The following SIMC1 variants were observed in gnomAD, a reference collection of about 807,000 sequenced individuals.
SIMC1 encodes SUMO-interacting motif-containing protein 1.
Under a neutral mutation model 82.3 loss-of-function variants are expected in SIMC1, and 55 were observed. That is an observed-to-expected ratio of 0.67 (90% CI 0.54 to 0.84). The LOEUF (loss-of-function observed/expected upper bound fraction) is 0.84, where lower values mean the gene tolerates loss of function less well. SIMC1 is among the 40% of genes least tolerant of loss of function. SIMC1 has a pLI of 0.00. For missense variants in SIMC1, 915 were observed against 1,107.2 expected (o/e 0.83, Z 2.46); for synonymous variants, 353 against 426.3 (o/e 0.83, Z 2.12).
chr5:176,324,223 T>C (rs1161996966), intron 6 of SIMC1, among the ~76,000 whole-genome samples: 1 of 152,202 alleles, frequency 6.6e-6, no homozygotes, highest in East Asian at 1.9e-4. Flanking sequence ...GGCAAATACA[T>C]ATTTTCTCCT....
At chr5:176,313,168 C>A in intron 4 of SIMC1, 3 of 677,572 alleles carry the variant, frequency 4.4e-6, no homozygotes, top group Non-Finnish European at 6.0e-6. Context: ...TCAATCAGCT[C>A]GCATGACTGG....
In SIMC1 at chr5:176,309,052, G is replaced by A. The variant is rs150875211; in HGVS notation, c.1735-4639G>A. On this transcript the variant is annotated intron_variant, in intron 4 of 9. Transcript: ENST00000429602. ...ATGGAGAAAGATGAAAATATCCAGT[G>A]TAAAGTTACTTAAGCTAAATCAATT... The A allele has an allele frequency of 9.2e-4, 683 of 746,004 alleles. 7 individuals carry two copies. In the East Asian group the frequency reaches 0.015, roughly 17 times the overall value. The allele number at this position is 746,004 out of a possible 1,614,324, so 46.2% of individuals were successfully genotyped here.
rs1764523291 is a variant in SIMC1 at position 176,308,493 on chromosome 5, ATGAT to A, written c.1735-5197_1735-5194del. The A allele has an allele frequency of 4.4e-6, 7 of 1,607,588 alleles. No individual in the cohort carries two copies. The Admixed American group carries it at 1.2e-4, about 27-fold the overall frequency. ...TGTTCGCACCCAAGCCATGTACCAGATGATGGATCAAGGCTTTGTAGGACTTATT... is the reference window on the plus strand; with the variant it reads ...TGTTCGCACCCAAGCCATGTACCAGAGGATCAAGGCTTTGTAGGACTTATT... On this transcript the variant is annotated intron_variant, in intron 4 of 9. Transcript: ENST00000429602.
chr5:176,259,228 A>G (rs1460642745), intron 1 of SIMC1, among the ~76,000 whole-genome samples: 1 of 152,226 alleles, frequency 6.6e-6, no homozygotes, highest in African/African-American at 2.4e-5. Flanking sequence ...GCACTTTGGG[A>G]GGCTGAGGTG....
chr5:176,330,521 A>C (rs1765603270), intron 7 of SIMC1, among the ~76,000 whole-genome samples: 1 of 152,186 alleles, frequency 6.6e-6, no homozygotes, highest in Non-Finnish European at 1.5e-5. Flanking sequence ...AAATATTCAA[A>C]GACTATTCAG....
At chr5:176,257,510 G>A (rs1761884961) in intron 1 of SIMC1, among the ~76,000 whole-genome samples, 1 of 152,128 alleles carries the variant, frequency 6.6e-6, no homozygotes, top group Non-Finnish European at 1.5e-5. Context: ...GAGAGTGAGA[G>A]TGGGGGTGCA....
At chr5:176,274,529 T>A (rs1202664122) in intron 1 of SIMC1, among the ~76,000 whole-genome samples, 7 of 151,912 alleles carry the variant, frequency 4.6e-5, no homozygotes, top group Non-Finnish European at 8.8e-5. Context: ...ATTTGTCAAT[T>A]TTGGCTTTTG....
At chr5:176,296,060 T>A in intron 3 of SIMC1, 191 bp from the exon 4 acceptor site, 2 of 1,022,576 alleles carry the variant, frequency 2.0e-6, no homozygotes, top group South Asian at 3.5e-5. Flanking sequence ...AAAAGGGGAC[T>A]GGATACTGGG....
chr5:176,287,473 C>T (rs1763342271), intron 1 of SIMC1, among the ~76,000 whole-genome samples: 1 of 151,964 alleles, frequency 6.6e-6, no homozygotes, highest in South Asian at 2.1e-4. Flanking sequence ...CACACCGGGG[C>T]CTGTAGTGGG....
chr5:176,249,743 C>T (rs1231471082), intron 1 of SIMC1, among the ~76,000 whole-genome samples: 1 of 147,588 alleles, frequency 6.8e-6, no homozygotes, highest in Non-Finnish European at 1.5e-5. Flanking sequence ...ACTCAGGAGG[C>T]TGAGGCGGGA....
chr5:176,256,894 C>G (rs1761864994), intron 1 of SIMC1, among the ~76,000 whole-genome samples: 1 of 152,076 alleles, frequency 6.6e-6, no homozygotes, highest in Non-Finnish European at 1.5e-5. Context: ...AGGCAAACAC[C>G]ACCATGCCTG....
intron 9 of SIMC1, among the ~76,000 whole-genome samples, chr5:176,344,247 T>A (rs1454250044): frequency 2.0e-5 from 3 of 152,164 alleles, no homozygotes; most frequent in Non-Finnish European, 4.4e-5. Flanking sequence ...CCAGCACAGT[T>A]CCCAGCTTTT....
At chr5:176,282,586 G>A (rs150982203) in intron 1 of SIMC1, among the ~76,000 whole-genome samples, 2 of 152,118 alleles carry the variant, frequency 1.3e-5, no homozygotes, top group South Asian at 2.1e-4. Context: ...TCCTCCCCCC[G>A]AAAAGCTGAA....
chr5:176,271,541 T>C (rs1762427581), intron 1 of SIMC1, among the ~76,000 whole-genome samples: 2 of 152,030 alleles, frequency 1.3e-5, no homozygotes, highest in South Asian at 2.1e-4. Context: ...CTCATGGTGA[T>C]AGTGAGTAGA....
Position 176,345,598 on chromosome 5 carries a change from C to G in SIMC1, c.*153C>G. 1.3e-6 allele frequency: 1 copy of G among 786,656 alleles called. No homozygotes were observed. Among genetic ancestry groups the G allele is most frequent in the Non-Finnish European group, 1.9e-6 (1 of 529,978 alleles). 48.7% of individuals were successfully genotyped at this position (786,656 alleles called of 1,614,324 possible). ...TGTAATTTCTAACTCTAGTAAATATCTTTTTTTAAATAATCCTATCCTAGC... is the reference window on the plus strand; with the variant it reads ...TGTAATTTCTAACTCTAGTAAATATGTTTTTTTAAATAATCCTATCCTAGC... On this transcript the variant is annotated 3_prime_UTR_variant, in exon 10 of 10. Transcript: ENST00000429602.
rs146381214 is a variant in SIMC1 at position 176,321,935 on chromosome 5, A to G, written c.1890-338A>G. Among the ~76,000 whole-genome samples the G allele has an allele frequency of 3.5e-3, 404 of 115,892 alleles. 1 individual carries two copies. Among genetic ancestry groups the G allele is most frequent in the Middle Eastern group, 0.031 (3 of 96 alleles). The allele number at this position is 115,892 out of a possible 152,430, so 76.0% of individuals were successfully genotyped here. A position where few individuals can be genotyped will look rare whatever the true frequency, so the allele number is the denominator to read the frequency against. Reference sequence around the variant, plus strand: ...GAGTTGGGTTCTTGCTGTGTTGCTCAGGCTGGTCTCAAACTCCTGGTCTCA... The same window carrying G: ...GAGTTGGGTTCTTGCTGTGTTGCTCGGGCTGGTCTCAAACTCCTGGTCTCA... On this transcript the variant is annotated intron_variant, in intron 5 of 9. Transcript: ENST00000429602.
chr5:176,277,632 G>A (rs181898388), intron 1 of SIMC1, among the ~76,000 whole-genome samples: 15 of 152,148 alleles, frequency 9.9e-5, no homozygotes, highest in African/African-American at 3.6e-4. Flanking sequence ...TGTATAAGGT[G>A]TAAGGAAGGG....
rs114412499 is a variant in SIMC1, at chr5:176,299,864, C to A, written c.1734+3544C>A. On this transcript the variant is annotated intron_variant, in intron 4 of 9. Transcript: ENST00000429602. ...GTACGTGGAATTTTCTCCAGATAGA[C>A]CACATGTTGGGCCACAAAACAAGAC... Among the ~76,000 whole-genome samples, 95 of 152,274 alleles carry A rather than the reference C, an allele frequency of 6.2e-4. No homozygotes were observed. In the Middle Eastern group the frequency reaches 0.01, roughly 16 times the overall value.
intron 1 of SIMC1, among the ~76,000 whole-genome samples, chr5:176,274,631 G>A (rs1043167475): frequency 5.9e-5 from 9 of 151,674 alleles, no homozygotes; most frequent in Non-Finnish European, 7.4e-5. Flanking sequence ...GGGTTTTTAT[G>A]GTTTTAGGTC....
Sources: gnomAD v4.1 joint callset for allele counts (sites outside exome capture counted in the v4.1 genomes callset) on GRCh38, gnomAD v4.1.1 for gene constraint, MANE v1.5 for transcripts, NCBI Gene and HGNC (gene_info 2026-07-23, HGNC 2026-07-21) for gene names.